ITGA9: variants seen among roughly 807,000 people sequenced by gnomAD.
ITGA9 encodes the protein integrin subunit alpha 9.
A neutral mutation model predicts 127.8 loss-of-function variants in ITGA9; 56 were observed. The observed-to-expected ratio is 0.44, with a 90% confidence interval of 0.35 to 0.55. ITGA9 has a LOEUF of 0.55. ITGA9 is among the 20% of genes least tolerant of loss of function. ITGA9 has a pLI of 0.00. For synonymous variants in ITGA9, 508 were observed against 514.5 expected (o/e 0.99, Z 0.17); for missense variants, 1,196 against 1,347.1 (o/e 0.89, Z 1.76).
At chr3:37,795,535 C>G (rs1697161371) in intron 26 of ITGA9, among the ~76,000 whole-genome samples, 1 of 152,214 alleles carries the variant, frequency 6.6e-6, no homozygotes, top group South Asian at 2.1e-4. Flanking sequence ...GTGTCTGGAC[C>G]TGTCTCAAAG....
At chr3:37,584,586 C>G (rs1223014620) in intron 15 of ITGA9, among the ~76,000 whole-genome samples, 3 of 152,006 alleles carry the variant, frequency 2.0e-5, no homozygotes, top group Admixed American at 6.6e-5. Flanking sequence ...GAAACCCCAT[C>G]TCTACTAAAA....
chr3:37,712,798 C>T lies in ITGA9; in HGVS notation c.2068-19914C>T, dbSNP rs112246987. On this transcript the variant is annotated intron_variant, in intron 18 of 27. Coordinates refer to ENST00000264741, the MANE Select transcript of ITGA9 (RefSeq NM_002207.3). ...TGGTCCAATTGAGTTAAGCCTGGGT[C>T]GCATGCCCACCTCCTAACGGGTTGG... Among the ~76,000 whole-genome samples the T allele has an allele frequency of 3.8e-3, 574 of 152,212 alleles. 5 individuals carry two copies. Among genetic ancestry groups the T allele is most frequent in the African/African-American group, 0.013 (528 of 41,522 alleles).
intron 15 of ITGA9, among the ~76,000 whole-genome samples, chr3:37,609,943 T>C (rs1196080031): frequency 6.6e-6 from 1 of 152,234 alleles, no homozygotes; most frequent in African/African-American, 2.4e-5. Flanking sequence ...GAGTCGGAGA[T>C]ACTTTACAAG....
Position 37,542,455 on chromosome 3 carries a change from C to G in ITGA9, c.1559C>G (p.Ala520Gly). 6.2e-7 allele frequency: 1 copy of G among 1,613,792 alleles called. No homozygotes were observed. The highest frequency in any genetic ancestry group is 8.5e-7 in the Non-Finnish European group (1 of 1,180,018). The change falls in exon 15 of 28, where the codon GCC (alanine) becomes GGC (glycine). Residue 520 changes from alanine (A) to glycine (G), a missense_variant. Transcript: ENST00000264741. ...GLNYVLMADV[A>G]KKEKGQMPRV... is the part of the protein sequence containing the mutation. ...AATTATGTTCTGATGGCTGACGTGG[C>G]CAAAAAGGAGAAGGGCCAGATGCCC...
intron 17 of ITGA9, among the ~76,000 whole-genome samples, chr3:37,678,606 G>A (rs1417981480): frequency 6.6e-6 from 1 of 152,140 alleles, no homozygotes; most frequent in Non-Finnish European, 1.5e-5. Context: ...TAACACTTGT[G>A]CTAGCCTTTA....
chr3:37,524,302 A>T (rs1699071945), intron 12 of ITGA9, among the ~76,000 whole-genome samples: 1 of 152,244 alleles, frequency 6.6e-6, no homozygotes, highest in Non-Finnish European at 1.5e-5. Flanking sequence ...GAAAAAATCC[A>T]GAATGGTCAT....
intron 22 of ITGA9, 32 bp downstream of exon 22, chr3:37,744,066 G>A (rs772724278): frequency 7.1e-7 from 1 of 1,407,808 alleles, no homozygotes; most frequent in South Asian, 1.2e-5. Flanking sequence ...CTCTGTCCGT[G>A]GGGGCTAACG....
intron 23 of ITGA9, among the ~76,000 whole-genome samples, chr3:37,770,815 C>A (rs1696833749): frequency 6.6e-6 from 1 of 152,222 alleles, no homozygotes; most frequent in African/African-American, 2.4e-5. Flanking sequence ...CTGACCCAGA[C>A]TCTGCCACCA....
chr3:37,785,279 C>A (rs777956893), intron 26 of ITGA9, among the ~76,000 whole-genome samples: 1 of 152,192 alleles, frequency 6.6e-6, no homozygotes, highest in Non-Finnish European at 1.5e-5. Context: ...TAGCATTGTC[C>A]TTTAGGATGC....
intron 15 of ITGA9, among the ~76,000 whole-genome samples, chr3:37,626,981 G>A (rs370656808): frequency 6.6e-6 from 1 of 152,078 alleles, no homozygotes; most frequent in Non-Finnish European, 1.5e-5. Flanking sequence ...TCTCCACACC[G>A]CGGGCAGTCT....
At chr3:37,595,386 C>T (rs1489555001) in intron 15 of ITGA9, among the ~76,000 whole-genome samples, 2 of 152,162 alleles carry the variant, frequency 1.3e-5, no homozygotes, top group Non-Finnish European at 2.9e-5. Context: ...ATTCCGGTGG[C>T]CAGGGACCAG....
chr3:37,566,517 A>G lies in ITGA9; in HGVS notation c.1689+23932A>G, dbSNP rs1466612467. Among the ~76,000 whole-genome samples, 2 of 152,242 alleles carry G rather than the reference A, an allele frequency of 1.3e-5. 1 individual carries two copies. Among genetic ancestry groups the G allele is most frequent in the Admixed American group, 1.3e-4 (2 of 15,282 alleles). ...AGGAAACTGTTATTGGTTTAATACT[A>G]TACATTCTTTTAAAAGAGTGCTCAA... On this transcript the variant is annotated intron_variant, in intron 15 of 27. Transcript: ENST00000264741.
At chr3:37,579,524 G>A (rs1699685997) in intron 15 of ITGA9, among the ~76,000 whole-genome samples, 1 of 152,134 alleles carries the variant, frequency 6.6e-6, no homozygotes, top group Admixed American at 6.5e-5. Context: ...GTTTCTGCTT[G>A]TATCTTCTTG....
chr3:37,575,152 G>T (rs545886828), intron 15 of ITGA9, among the ~76,000 whole-genome samples: 1 of 152,226 alleles, frequency 6.6e-6, no homozygotes, highest in South Asian at 2.1e-4. Context: ...CAAGGTACCC[G>T]TGCCCTGTGC....
chr3:37,765,608 A>G (rs1023281887), intron 23 of ITGA9, among the ~76,000 whole-genome samples: 1 of 152,214 alleles, frequency 6.6e-6, no homozygotes, highest in Non-Finnish European at 1.5e-5. Flanking sequence ...TGGCTGATTG[A>G]ATTCTGGAAC....
At chr3:37,509,590 G>T (rs1276897603) in intron 8 of ITGA9, among the ~76,000 whole-genome samples, 1 of 152,088 alleles carries the variant, frequency 6.6e-6, no homozygotes, top group Non-Finnish European at 1.5e-5. Context: ...CATTCAAGTA[G>T]ACCTTTTTGC....
At chr3:37,773,181 G>A (rs557066983) in intron 23 of ITGA9, among the ~76,000 whole-genome samples, 53 of 152,342 alleles carry the variant, frequency 3.5e-4, no homozygotes, top group African/African-American at 1.0e-3. Context: ...CTGAAGCACC[G>A]ATGTGCAGAG....
chr3:37,483,196 C>A (rs1168261405), intron 4 of ITGA9, among the ~76,000 whole-genome samples: 3 of 152,124 alleles, frequency 2.0e-5, no homozygotes, highest in Non-Finnish European at 4.4e-5. Context: ...GTGACAGGGA[C>A]ACATGATGGT....
chr3:37,699,112 A>C (rs560649295), intron 18 of ITGA9, among the ~76,000 whole-genome samples: 3 of 152,126 alleles, frequency 2.0e-5, no homozygotes, highest in Admixed American at 6.5e-5. Flanking sequence ...CAACCTTTCA[A>C]CATTGGAGAG....
Sources: gnomAD v4.1 joint callset for allele counts (sites outside exome capture counted in the v4.1 genomes callset) on GRCh38, gnomAD v4.1.1 for gene constraint, MANE v1.5 for transcripts, NCBI Gene and HGNC (gene_info 2026-07-23, HGNC 2026-07-21) for gene names.